The following LGR6 variants were observed in gnomAD, a reference collection of about 807,000 sequenced individuals.
LGR6 encodes leucine rich repeat containing G protein-coupled receptor 6, also known as leucine-rich repeat-containing G protein-coupled receptor 6.
A neutral mutation model predicts 69.4 loss-of-function variants in LGR6; 45 were observed. The observed-to-expected ratio is 0.65, with a 90% CI of 0.51 to 0.83. The LOEUF is 0.83. LGR6 is among the 40% of genes least tolerant of loss of function. The pLI, the probability that LGR6 is intolerant of heterozygous loss-of-function variation, is 0.00. For missense variants in LGR6, 1,108 were observed against 1,246.7 expected (o/e 0.89, Z 1.68); for synonymous variants, 538 against 555.0 (o/e 0.97, Z 0.43).
At chr1:202,281,239 G>T (rs984105201) in intron 6 of LGR6, among the ~76,000 whole-genome samples, 1 of 152,156 alleles carries the variant, frequency 6.6e-6, no homozygotes, top group Non-Finnish European at 1.5e-5. Flanking sequence ...TGACTTGATG[G>T]CAGTTTTGAC....
At chr1:202,215,701 G>A (rs1397815623) in intron 1 of LGR6, among the ~76,000 whole-genome samples, 9 of 152,150 alleles carry the variant, frequency 5.9e-5, no homozygotes, top group African/African-American at 1.9e-4. Flanking sequence ...TCCAGGACCC[G>A]CAGGTGGGAT....
intron 11 of LGR6, among the ~76,000 whole-genome samples, chr1:202,304,894 G>T (rs549129349): frequency 4.6e-5 from 7 of 152,134 alleles, no homozygotes; most frequent in Non-Finnish European, 7.4e-5. Context: ...ATTTGTAAGG[G>T]TTGGAAAAAA....
intron 1 of LGR6, among the ~76,000 whole-genome samples, chr1:202,213,608 C>T (rs571550246): frequency 6.6e-6 from 1 of 152,328 alleles, no homozygotes; most frequent in African/African-American, 2.4e-5. Flanking sequence ...TATAGCCCTG[C>T]TTCTCCACCA....
At chr1:202,238,412 CTTTTTTTTTTTTT>C (rs60376943) in intron 4 of LGR6, among the ~76,000 whole-genome samples, 1 of 83,982 alleles carries the variant, frequency 1.2e-5, no homozygotes, top group Non-Finnish European at 2.2e-5. Flanking sequence ...CAGCCTGATC[CTTTTTTTTTTTTT>C]TTTTTTTTTT....
chr1:202,196,254 T>A (rs769198208), intron 1 of LGR6, among the ~76,000 whole-genome samples: 2 of 152,122 alleles, frequency 1.3e-5, no homozygotes, highest in Non-Finnish European at 2.9e-5. Flanking sequence ...CATGAAGGAT[T>A]CCTACAGTTG....
chr1:202,312,957 G>A (rs192019740), intron 16 of LGR6, among the ~76,000 whole-genome samples: 1,561 of 152,174 alleles, frequency 0.01, 26 homozygotes, highest in African/African-American at 0.035. Context: ...GGCCGGGCAC[G>A]GTGGCTCACG....
chr1:202,254,592 C>T (rs1663598783), intron 4 of LGR6, among the ~76,000 whole-genome samples: 1 of 151,942 alleles, frequency 6.6e-6, no homozygotes, highest in Non-Finnish European at 1.5e-5. Context: ...ATGTGCCTGC[C>T]TTCAGTGAGT....
intron 4 of LGR6, among the ~76,000 whole-genome samples, chr1:202,237,871 A>G (rs1661720209): frequency 6.6e-6 from 1 of 151,472 alleles, no homozygotes; most frequent in African/African-American, 2.4e-5. Flanking sequence ...CTACTGTGTC[A>G]TTTGCCCTCT....
At chr1:202,227,839 C>T (rs1014745638) in intron 2 of LGR6, 97 bp from the exon 3 acceptor site, 60 of 802,926 alleles carry the variant, frequency 7.5e-5, no homozygotes, top group Non-Finnish European at 1.2e-4. Flanking sequence ...TTTTTACCAC[C>T]GCCCTCCCTT....
intron 1 of LGR6, among the ~76,000 whole-genome samples, chr1:202,209,982 C>A (rs1401623429): frequency 6.6e-6 from 1 of 152,188 alleles, no homozygotes; most frequent in Non-Finnish European, 1.5e-5. Flanking sequence ...AGAAACAGCC[C>A]TATGGACATC....
chr1:202,295,289 C>G (rs1465803977), intron 6 of LGR6, among the ~76,000 whole-genome samples: 7 of 142,314 alleles, frequency 4.9e-5, no homozygotes, highest in African/African-American at 1.9e-4. Flanking sequence ...GATCACGCCA[C>G]TGCACTCCAG....
At chr1:202,234,648 C>T (rs944533889) in intron 3 of LGR6, among the ~76,000 whole-genome samples, 22 of 152,122 alleles carry the variant, frequency 1.4e-4, no homozygotes, top group Non-Finnish European at 8.8e-5. Context: ...TTGTGTGCAC[C>T]CTCAGCATGA....
At chr1:202,236,209 G>A (rs979672266) in intron 4 of LGR6, 3 of 569,240 alleles carry the variant, frequency 5.3e-6, no homozygotes, top group Non-Finnish European at 6.3e-6. Flanking sequence ...TTCAGGAAAA[G>A]AGTGCTCCCA....
intron 4 of LGR6, among the ~76,000 whole-genome samples, chr1:202,269,091 A>C (rs974617698): frequency 1.3e-5 from 2 of 151,944 alleles, no homozygotes; most frequent in Non-Finnish European, 2.9e-5. Flanking sequence ...TTTTTTCTAG[A>C]GAGGGTGTCT....
At chr1:202,263,493 T>C (rs560476609) in intron 4 of LGR6, among the ~76,000 whole-genome samples, 122 of 152,310 alleles carry the variant, frequency 8.0e-4, no homozygotes, top group African/African-American at 2.8e-3. Context: ...AGAAGGTAGC[T>C]AAGTTTTCCT....
rs75303900 is a variant in LGR6, at chr1:202,318,637, C to T, written c.2334C>T (p.Leu778=). 3,130 of 1,613,874 alleles carry T rather than the reference C, an allele frequency of 1.9e-3. 62 individuals are homozygous for T. The African/African-American group carries it at 0.037, about 19-fold the overall frequency. Residue 778 remains leucine, a synonymous_variant, in exon 18 of 18, where the codon CTC becomes CTT. Transcript: ENST00000367278. ...DCAMVRHVAW[L]IFADGLLYCP... is the part of the protein sequence containing the mutation. ...CCATGGTGAGGCACGTGGCCTGGCT[C>T]ATCTTCGCAGACGGGCTCCTCTACT...
chr1:202,200,035 C>T (rs3010094), intron 1 of LGR6, among the ~76,000 whole-genome samples: 112,584 of 152,070 alleles, frequency 0.74, 43,038 homozygotes, highest in South Asian at 0.91. Flanking sequence ...CTTCTGGAGC[C>T]CCATCAGATC....
At position 202,308,982 on chromosome 1, in the gene LGR6, TC is replaced by T; in HGVS notation, c.1281-68del. 3 of 1,583,310 alleles carry T rather than the reference TC, an allele frequency of 1.9e-6. No homozygotes were observed. The Admixed American group carries it at 5.1e-5, about 27-fold the overall frequency. ...TCCATCCCAGGCACACTGGCCACAT[TC>T]TCAGCACAGCCCTGCCCCCTCAGCA... On this transcript the variant is annotated intron_variant, in intron 14 of 17. Transcript: ENST00000367278.
intron 1 of LGR6, among the ~76,000 whole-genome samples, chr1:202,223,744 G>A (rs529845891): frequency 4.6e-5 from 7 of 151,522 alleles, no homozygotes; most frequent in African/African-American, 1.7e-4. Flanking sequence ...TGCCAACACA[G>A]GGTAGGACCC....
Sources: allele counts gnomAD v4.1 joint callset (sites outside exome capture counted in the v4.1 genomes callset), GRCh38; gene constraint gnomAD v4.1.1; transcripts MANE v1.5; gene names NCBI Gene and HGNC (gene_info 2026-07-23, HGNC 2026-07-21).